The following TTK variants were observed in gnomAD, a reference collection of about 807,000 sequenced individuals.
TTK encodes the protein TTK protein kinase.
TTK carries 59 observed loss-of-function variants against 117.3 expected under a neutral mutation model. The observed-to-expected ratio is 0.50, with a 90% CI of 0.41 to 0.62. TTK has a LOEUF of 0.62. Among genes scored for constraint, TTK ranks in the 20% least tolerant of loss-of-function variants. TTK has a pLI of 0.00. For synonymous variants in TTK, 302 were observed against 325.0 expected (o/e 0.93, Z 0.76); for missense variants, 921 against 989.4 (o/e 0.93, Z 0.93).
At chr6:80,026,329 A>C (rs764003283) in intron 11 of TTK, 49 bp from the exon 12 acceptor site, 2 of 1,568,892 alleles carry the variant, frequency 1.3e-6, no homozygotes, top group Non-Finnish European at 1.7e-6. Flanking sequence ...ACTAGTGAAC[A>C]GGCAACTAAT....
rs573737563 is a variant in TTK, at chr6:80,025,959, A to G, written c.1258-419A>G. ...ACAAGATAGGCATTTGTCATTCCAC[A>G]TTTTGCTAAGTAATTAGTATTTGTC... is the stretch of plus-strand genomic sequence containing the variant. On this transcript the variant is annotated intron_variant, in intron 11 of 21. Transcript: ENST00000369798. 5.5e-5 allele frequency among the ~76,000 whole-genome samples: 8 copies of G among 146,402 alleles called. No individual in the cohort carries two copies. The South Asian group carries it at 1.8e-3, about 32-fold the overall frequency.
rs138159458 is a variant in TTK at position 80,024,286 on chromosome 6, C to T, written c.1257+1814C>T. 5.7e-3 allele frequency among the ~76,000 whole-genome samples: 872 copies of T among 152,252 alleles called. 7 individuals carry two copies. The highest frequency in any genetic ancestry group is 0.02 in the African/African-American group (817 of 41,526). ...AGTTAAGAGAATTGAAAACATACATCCACACAAATATTTGTACATAAATAT... is the reference window on the plus strand; with the variant it reads ...AGTTAAGAGAATTGAAAACATACATTCACACAAATATTTGTACATAAATAT... On this transcript the variant is annotated intron_variant, in intron 11 of 21. Coordinates refer to ENST00000369798, the MANE Select transcript of TTK (RefSeq NM_003318.5).
At chr6:80,038,194 A>G (rs754574834) in intron 18 of TTK, 147 bp downstream of exon 18, 17 of 461,958 alleles carry the variant, frequency 3.7e-5, no homozygotes, top group Non-Finnish European at 4.5e-5. Context: ...TTCGTTTCCA[A>G]TTCTTACTAT....
Position 80,040,258 on chromosome 6 carries a change from T to C in TTK, c.2370T>C (p.Tyr790=), listed in dbSNP as rs1395718896. ...TTCCTGAGCTCCTGGCTCATCCATATGTTCAAATTCAAACTCATCCAGGTA... is the reference window on the plus strand; with the variant it reads ...TTCCTGAGCTCCTGGCTCATCCATACGTTCAAATTCAAACTCATCCAGGTA... ...ISIPELLAHP[Y]VQIQTHPVNQ... The change falls in exon 20 of 22, where the codon TAT becomes TAC. Residue 790 remains tyrosine (Y), a synonymous_variant. Coordinates refer to ENST00000369798, the MANE Select transcript of TTK (RefSeq NM_003318.5). 1.9e-6 allele frequency: 3 copies of C among 1,589,224 alleles called. No individual in the cohort carries two copies. In the South Asian group the frequency reaches 3.5e-5, roughly 19 times the overall value.
At chr6:80,023,454 G>A (rs1207451713) in intron 11 of TTK, among the ~76,000 whole-genome samples, 2 of 152,070 alleles carry the variant, frequency 1.3e-5, no homozygotes, top group African/African-American at 2.4e-5. Flanking sequence ...TTAGCCGGGT[G>A]TGGTGGTGGG....
chr6:80,007,991 A>ACGCG lies in TTK; in HGVS notation c.322_323insCGCG (p.Ser108ThrfsTer5). ...CCCAGATAAATATGGCCAAAATGAG[A>ACGCG]GTTTTGCTAGAATTCAAGTGAGATT... is the stretch of plus-strand genomic sequence containing the variant. On this transcript the variant is annotated frameshift_variant, in exon 3 of 22. Transcript: ENST00000369798. LOFTEE classifies it high-confidence loss of function. The ACGCG allele has an allele frequency of 8.8e-6, 14 of 1,591,556 alleles. No individual in the cohort carries two copies. The highest frequency in any genetic ancestry group is 1.0e-5 in the Non-Finnish European group (12 of 1,159,968).
chr6:80,022,934 A>G (rs1286577514), intron 11 of TTK, among the ~76,000 whole-genome samples: 1 of 152,242 alleles, frequency 6.6e-6, no homozygotes, highest in Non-Finnish European at 1.5e-5. Flanking sequence ...TGTCCCAAGC[A>G]CTTAACAGTT....
chr6:80,041,511 A>G (rs1334194315), intron 21 of TTK, among the ~76,000 whole-genome samples: 1 of 151,584 alleles, frequency 6.6e-6, no homozygotes, highest in African/African-American at 2.4e-5. Context: ...ATTGCTCTGT[A>G]TTTTGTATCT....
intron 4 of TTK, among the ~76,000 whole-genome samples, chr6:80,008,929 C>CTGTGTGGGTGTG (rs1767068636): frequency 7.0e-6 from 1 of 142,300 alleles, no homozygotes; most frequent in Non-Finnish European, 1.5e-5. Flanking sequence ...AACTATATAT[C>CTGTGTGGGTGTG]TGTGTGTGTG....
intron 9 of TTK, chr6:80,013,668 G>A (rs1044058896): frequency 4.8e-5 from 9 of 188,688 alleles, no homozygotes; most frequent in Non-Finnish European, 7.5e-5. Context: ...ACGTGACTGG[G>A]GGAACTGTTG....
intron 21 of TTK, 36 bp downstream of exon 21, chr6:80,040,739 T>A (rs373452502): frequency 1.9e-5 from 30 of 1,578,820 alleles, no homozygotes; most frequent in Non-Finnish European, 2.3e-5. Context: ...ATTTTTACTG[T>A]TTTATATAGT....
intron 12 of TTK, among the ~76,000 whole-genome samples, chr6:80,026,820 T>C (rs1295597290): frequency 1.3e-5 from 2 of 152,308 alleles, no homozygotes; most frequent in East Asian, 1.9e-4. Context: ...TACAGATATC[T>C]CTCTATTAAG....
In TTK at chr6:80,007,991, A is replaced by G; in HGVS notation, c.322A>G (p.Ser108Gly). 2 of 1,591,546 alleles carry G rather than the reference A, an allele frequency of 1.3e-6. No homozygotes were observed. The highest frequency in any genetic ancestry group is 1.7e-6 in the Non-Finnish European group (2 of 1,159,960). The change falls in exon 3 of 22, where the codon AGT becomes GGT. Residue 108 changes from serine (S) to glycine (G), a missense_variant. Ser to Gly is a moderately conservative substitution (Grantham distance 56). Transcript: ENST00000369798. ...LPPDKYGQNE[S>G]FARIQVRFAE... is the part of the protein sequence containing the mutation. ...CCCAGATAAATATGGCCAAAATGAG[A>G]GTTTTGCTAGAATTCAAGTGAGATT...
chr6:80,006,482 T>C (rs1057137431), intron 2 of TTK, among the ~76,000 whole-genome samples: 7 of 152,184 alleles, frequency 4.6e-5, no homozygotes, highest in African/African-American at 1.7e-4. Context: ...AGTATAATTG[T>C]GCTTAATTAT....
Position 80,022,395 on chromosome 6 carries a change from G to C in TTK, c.1180G>C (p.Glu394Gln). 6.2e-7 allele frequency: 1 copy of C among 1,614,034 alleles called. No homozygotes were observed. The highest frequency in any genetic ancestry group is 8.5e-7 in the Non-Finnish European group (1 of 1,179,978). ...QKQWQSKRKS[E>Q]CINQNPAASS... ...ACAGTGGCAATCTAAGAGAAAGTCA[G>C]AGTGTATTAACCAGAATCCTGCTGC... The change falls in exon 11 of 22, where the codon GAG becomes CAG. Residue 394 changes from glutamate (E) to glutamine (Q), a missense_variant. Transcript: ENST00000369798.
In TTK at chr6:80,020,293, G is replaced by A. The variant is rs539763913; in HGVS notation, c.1109-2031G>A. 8.5e-5 allele frequency among the ~76,000 whole-genome samples: 13 copies of A among 152,206 alleles called. No individual in the cohort carries two copies. In the South Asian group the frequency reaches 1.2e-3, roughly 15 times the overall value. ...GTAAAAAAGTCTCTATGGCAATTTC[G>A]TTTTAAAAACCTCTTTTATCCTTTT... On this transcript the variant is annotated intron_variant, in intron 10 of 21. Coordinates refer to ENST00000369798, the MANE Select transcript of TTK (RefSeq NM_003318.5).
chr6:80,024,607 G>C (rs1377887788), intron 11 of TTK, among the ~76,000 whole-genome samples: 3 of 152,210 alleles, frequency 2.0e-5, no homozygotes, highest in Admixed American at 6.5e-5. Flanking sequence ...GCAGTGGGGA[G>C]TGGGGAGTGA....
chr6:80,014,643 C>T, intron 10 of TTK, 57 bp downstream of exon 10: 1 of 1,491,184 alleles, frequency 6.7e-7, no homozygotes, highest in Non-Finnish European at 9.0e-7. Context: ...CACTTGATAG[C>T]TTAAGAAAGC....
intron 9 of TTK, 126 bp downstream of exon 9, chr6:80,013,492 C>A: frequency 1.4e-6 from 1 of 714,102 alleles, no homozygotes; most frequent in Non-Finnish European, 2.3e-6. Context: ...GTTCCACATA[C>A]CCCAAGAGCT....
Sources: gnomAD v4.1 joint callset for allele counts (sites outside exome capture counted in the v4.1 genomes callset) on GRCh38, gnomAD v4.1.1 for gene constraint, MANE v1.5 for transcripts, NCBI Gene and HGNC (gene_info 2026-07-23, HGNC 2026-07-21) for gene names.